AOPEP: variants seen among roughly 807,000 people sequenced by gnomAD.
The protein encoded by AOPEP is aminopeptidase O (putative), also known as aminopeptidase O.
AOPEP carries 77 observed loss-of-function variants against 98.1 expected under a neutral mutation model. The observed-to-expected ratio is 0.78, with a 90% CI of 0.65 to 0.95. AOPEP has a LOEUF of 0.95. AOPEP is among the 40% of genes least tolerant of loss of function. The pLI is 0.00. For synonymous variants in AOPEP, 346 were observed against 365.3 expected, an observed-to-expected ratio of 0.95 and a Z score of 0.60; for missense variants, 1,024 against 1,024.7, an observed-to-expected ratio of 1.00 and a Z score of 0.01.
chr9:94,812,272 G>A (rs1850771891), intron 5 of AOPEP, among the ~76,000 whole-genome samples: 1 of 152,110 alleles, frequency 6.6e-6, no homozygotes, highest in African/African-American at 2.4e-5. Flanking sequence ...TCCACTGTTT[G>A]GTGGGCTTAC....
chr9:95,111,265 C>A, the AOPEP span: 228 of 1,548,212 alleles, frequency 1.5e-4, 1 homozygote, highest in Middle Eastern at 3.3e-4. Context: ...CGTCTCTGGC[C>A]ACCTCGGTGG....
chr9:95,039,692 C>A lies in AOPEP; in HGVS notation c.2116-21002C>A, dbSNP rs191606582. On this transcript the variant is annotated intron_variant, in intron 13 of 16. Coordinates refer to ENST00000375315, the MANE Select transcript of AOPEP (RefSeq NM_001193329.3). ...AAGCAGGCTGTATAAACAGAAACAA[C>A]TTAGGAGCTTGCTAATTTGTTTATC... is the stretch of plus-strand genomic sequence containing the variant. Among the ~76,000 whole-genome samples the A allele has an allele frequency of 6.4e-4, 98 of 152,294 alleles. No individual in the cohort carries two copies. The South Asian group carries it at 0.02, about 31-fold the overall frequency.
At chr9:94,741,413 C>T (rs542505767) in intron 1 of AOPEP, among the ~76,000 whole-genome samples, 2 of 152,148 alleles carry the variant, frequency 1.3e-5, no homozygotes, top group South Asian at 4.2e-4. Flanking sequence ...GCTGGGACTA[C>T]AGGCGCCCGC....
At chr9:95,107,817 A>G in the AOPEP span, among the ~76,000 whole-genome samples, 2 of 152,212 alleles carry the variant, frequency 1.3e-5, no homozygotes, top group Non-Finnish European at 1.5e-5. Flanking sequence ...CATTTGTTTT[A>G]GATGCCGGAA....
chr9:95,102,987 C>T, the AOPEP span, among the ~76,000 whole-genome samples: 2 of 152,172 alleles, frequency 1.3e-5, no homozygotes, highest in Non-Finnish European at 2.9e-5. Context: ...TGTCCCTGGG[C>T]GTCTGTATTG....
intron 13 of AOPEP, among the ~76,000 whole-genome samples, chr9:95,052,358 G>T (rs1021017950): frequency 7.2e-5 from 11 of 152,088 alleles, no homozygotes; most frequent in African/African-American, 2.7e-4. Flanking sequence ...TTTGAACTCG[G>T]TTATTCCTTG....
At chr9:94,756,748 G>T (rs1837145506) in intron 1 of AOPEP, among the ~76,000 whole-genome samples, 1 of 152,058 alleles carries the variant, frequency 6.6e-6, no homozygotes, top group Non-Finnish European at 1.5e-5. Context: ...GATGTGCTCT[G>T]CTCATCTCCT....
intron 13 of AOPEP, among the ~76,000 whole-genome samples, chr9:95,057,302 G>T (rs549111858): frequency 1.1e-4 from 16 of 152,178 alleles, no homozygotes. Context: ...ATAAATAAAC[G>T]CAGCTGGCCT....
the AOPEP span, chr9:95,107,017 GCCTGGA>G: frequency 6.3e-7 from 1 of 1,592,646 alleles, no homozygotes; most frequent in Non-Finnish European, 8.6e-7. Flanking sequence ...CCCACCTCTC[GCCTGGA>G]GCAGAAATGA....
At chr9:94,746,641 C>T (rs971092449) in intron 1 of AOPEP, among the ~76,000 whole-genome samples, 6 of 152,162 alleles carry the variant, frequency 3.9e-5, no homozygotes, top group African/African-American at 1.4e-4. Context: ...CACTTCCAAT[C>T]TTATCTTTGC....
At chr9:94,789,072 C>A (rs927112188) in intron 3 of AOPEP, among the ~76,000 whole-genome samples, 1 of 152,150 alleles carries the variant, frequency 6.6e-6, no homozygotes, top group Non-Finnish European at 1.5e-5. Context: ...CTTATCTTTC[C>A]CTACTGCCAA....
chr9:95,101,378 G>C, the AOPEP span: 17 of 422,198 alleles, frequency 4.0e-5, no homozygotes, highest in Admixed American at 5.9e-4. Context: ...TGTGCAGCTT[G>C]ACTTGGGTAA....
intron 13 of AOPEP, among the ~76,000 whole-genome samples, chr9:95,047,776 G>A (rs1030613311): frequency 3.9e-5 from 6 of 152,166 alleles, no homozygotes; most frequent in African/African-American, 1.4e-4. Flanking sequence ...AATGAGATGG[G>A]TTTCTTGTTT....
chr9:95,027,032 G>A (rs191028388), intron 13 of AOPEP, among the ~76,000 whole-genome samples: 18 of 152,220 alleles, frequency 1.2e-4, no homozygotes, highest in Admixed American at 1.1e-3. Context: ...GAGCTGAGGC[G>A]GGTGGATCGC....
chr9:95,143,357 T>C, the AOPEP span, among the ~76,000 whole-genome samples: 3 of 152,332 alleles, frequency 2.0e-5, no homozygotes, highest in Non-Finnish European at 4.4e-5. Flanking sequence ...ATTAAATCGC[T>C]GGCCAGTAGT....
downstream of AOPEP, among the ~76,000 whole-genome samples, chr9:95,091,306 CTG>C (rs376296077): frequency 1.9e-4 from 29 of 152,336 alleles, no homozygotes; most frequent in East Asian, 5.4e-3. Context: ...GGGCCACAGT[CTG>C]TCCTGGGAGG....
intron 5 of AOPEP, among the ~76,000 whole-genome samples, chr9:94,852,173 C>T (rs1289611458): frequency 2.0e-5 from 3 of 152,136 alleles, no homozygotes; most frequent in Non-Finnish European, 4.4e-5. Flanking sequence ...CTCATCCTGC[C>T]TACACCAGAG....
At chr9:94,756,331 A>T (rs1391261630) in intron 1 of AOPEP, among the ~76,000 whole-genome samples, 5 of 151,822 alleles carry the variant, frequency 3.3e-5, no homozygotes, top group Non-Finnish European at 7.4e-5. Flanking sequence ...TGGGAGGCTG[A>T]GGTGGGCAGA....
intron 7 of AOPEP, among the ~76,000 whole-genome samples, chr9:94,936,500 A>G (rs1286711429): frequency 6.6e-6 from 1 of 152,206 alleles, no homozygotes; most frequent in Non-Finnish European, 1.5e-5. Flanking sequence ...CTTGGCTTGC[A>G]GTCACTGAGC....
Sources: allele counts gnomAD v4.1 joint callset (sites outside exome capture counted in the v4.1 genomes callset), GRCh38; gene constraint gnomAD v4.1.1; transcripts MANE v1.5; gene names NCBI Gene and HGNC (gene_info 2026-07-23, HGNC 2026-07-21).